Variants in TRIQK observed in about 807,000 individuals in gnomAD.
The protein encoded by TRIQK is triple QxxK/R motif-containing protein.
TRIQK carries 10 observed loss-of-function variants against 10.8 expected under a neutral mutation model. The ratio of observed to expected loss-of-function variants is 0.92; its 90% CI spans 0.57 to 1.57. The LOEUF is 1.57. Among genes scored for constraint, TRIQK ranks in the 40% most tolerant of loss-of-function variants. The probability of loss-of-function intolerance (pLI) is 0.00; values close to 1 mark genes in which losing one functional copy is unlikely to be tolerated. For missense variants in TRIQK, 107 were observed against 97.7 expected, an observed-to-expected ratio of 1.09 and a Z score of -0.40; for synonymous variants, 33 against 33.7, an observed-to-expected ratio of 0.98 and a Z score of 0.07.
In TRIQK at chr8:92,885,997, A is replaced by C. The variant is rs1816455677; in HGVS notation, c.*625T>G. ...ACCAGTTCAGACAGCCCAAGAGGAAAAGAACTCTATTTTAGAGACATATGT... is the reference window on the plus strand; with the variant it reads ...ACCAGTTCAGACAGCCCAAGAGGAACAGAACTCTATTTTAGAGACATATGT... On this transcript the variant is annotated 3_prime_UTR_variant, in exon 5 of 5. Coordinates refer to ENST00000521988, the MANE Select transcript of TRIQK (RefSeq NM_001171797.2). 1 of 151,678 alleles carries C rather than the reference A, an allele frequency of 6.6e-6. No individual in the cohort carries two copies. The highest frequency in any genetic ancestry group is 2.1e-4 in the South Asian group (1 of 4,820). The allele number at this position is 151,678 out of a possible 1,614,324, so 9.4% of individuals were successfully genotyped here.
chr8:93,003,582 A>G (rs1813237605), intron 1 of TRIQK, among the ~76,000 whole-genome samples: 1 of 152,062 alleles, frequency 6.6e-6, no homozygotes, highest in African/African-American at 2.4e-5. Context: ...ACATTTCACA[A>G]CACAATCAGG....
At chr8:92,999,749 A>G (rs931869752) in intron 1 of TRIQK, among the ~76,000 whole-genome samples, 2 of 152,168 alleles carry the variant, frequency 1.3e-5, no homozygotes, top group Admixed American at 6.6e-5. Context: ...TTTGATAAAG[A>G]CTAATGGTTT....
intron 1 of TRIQK, among the ~76,000 whole-genome samples, chr8:92,996,557 G>A (rs1446858653): frequency 6.6e-6 from 1 of 151,956 alleles, no homozygotes; most frequent in African/African-American, 2.4e-5. Context: ...TAAAGGAAGT[G>A]ACATGAACTC....
intron 1 of TRIQK, among the ~76,000 whole-genome samples, chr8:93,012,319 G>T (rs181486111): frequency 7.2e-5 from 11 of 152,256 alleles, no homozygotes; most frequent in African/African-American, 1.9e-4. Flanking sequence ...CAAATACACA[G>T]AAAATGTCTT....
At chr8:92,962,544 T>C (rs769591495) in intron 1 of TRIQK, among the ~76,000 whole-genome samples, 7 of 152,190 alleles carry the variant, frequency 4.6e-5, no homozygotes, top group African/African-American at 1.4e-4. Context: ...TTAAAGAAAT[T>C]AGAATAATTT....
intron 1 of TRIQK, among the ~76,000 whole-genome samples, chr8:92,988,802 A>G (rs1813065384): frequency 6.6e-6 from 1 of 152,206 alleles, no homozygotes; most frequent in South Asian, 2.1e-4. Flanking sequence ...ATCAGGGATT[A>G]TATCTTATTT....
intron 1 of TRIQK, chr8:92,974,009 CTCCACA>C (rs2130739247): frequency 6.6e-6 from 1 of 152,444 alleles, no homozygotes; most frequent in African/African-American, 2.4e-5. Context: ...TGCTCAATAG[CTCCACA>C]TCAAGTGCTT....
chr8:92,889,515 C>G (rs1258862525), intron 4 of TRIQK, among the ~76,000 whole-genome samples: 1 of 151,508 alleles, frequency 6.6e-6, no homozygotes, highest in African/African-American at 2.4e-5. Context: ...ACCTCCAAAG[C>G]CAATCTAAGA....
intron 1 of TRIQK, among the ~76,000 whole-genome samples, chr8:92,992,774 A>G (rs1813108925): frequency 6.6e-6 from 1 of 152,182 alleles, no homozygotes. Context: ...AGAATGAAAC[A>G]GAAGACTGAG....
intron 4 of TRIQK, among the ~76,000 whole-genome samples, chr8:92,889,176 G>A (rs1228763847): frequency 6.6e-6 from 1 of 151,520 alleles, no homozygotes; most frequent in East Asian, 1.9e-4. Context: ...CCCTTAAAAC[G>A]CTATTACTAA....
At chr8:92,946,508 TA>T (rs1811538755) in intron 2 of TRIQK, among the ~76,000 whole-genome samples, 1 of 152,066 alleles carries the variant, frequency 6.6e-6, no homozygotes, top group East Asian at 1.9e-4. Flanking sequence ...ATGAATGTAA[TA>T]AAAAGGCGAT....
intron 1 of TRIQK, among the ~76,000 whole-genome samples, chr8:93,002,404 A>G (rs892952833): frequency 1.3e-5 from 2 of 152,162 alleles, no homozygotes; most frequent in African/African-American, 2.4e-5. Context: ...AAATAAAATC[A>G]GAGATAAAAA....
chr8:92,992,629 GCC>G (rs1813107129), intron 1 of TRIQK, among the ~76,000 whole-genome samples: 1 of 152,190 alleles, frequency 6.6e-6, no homozygotes, highest in Non-Finnish European at 1.5e-5. Context: ...CACCTCTGAG[GCC>G]AAGAAGCACA....
At chr8:93,000,583 G>T (rs1813200091) in intron 1 of TRIQK, among the ~76,000 whole-genome samples, 1 of 152,054 alleles carries the variant, frequency 6.6e-6, no homozygotes, top group African/African-American at 2.4e-5. Context: ...ATTTGGGTGG[G>T]GGTTGGGGAC....
chr8:93,015,481 A>G (rs1255540330), intron 1 of TRIQK, among the ~76,000 whole-genome samples: 1 of 126,002 alleles, frequency 7.9e-6, no homozygotes, highest in African/African-American at 3.0e-5. Context: ...TTGCTTCTTT[A>G]TCTTATTTAT....
chr8:92,887,573 GAA>G (rs907480766), intron 4 of TRIQK, among the ~76,000 whole-genome samples: 1 of 148,028 alleles, frequency 6.8e-6, no homozygotes. Context: ...AATCAAAAAA[GAA>G]AAAAAAAGCA....
intron 1 of TRIQK, among the ~76,000 whole-genome samples, chr8:93,003,716 G>A (rs1245247681): frequency 6.6e-6 from 1 of 152,120 alleles, no homozygotes; most frequent in Non-Finnish European, 1.5e-5. Context: ...TCAAAAACAA[G>A]TTAATTACCT....
At chr8:92,908,133 C>T (rs993930170) in intron 3 of TRIQK, among the ~76,000 whole-genome samples, 4 of 152,050 alleles carry the variant, frequency 2.6e-5, no homozygotes. Context: ...CAATTCCTTA[C>T]CCTTGCCCAG....
At chr8:93,006,926 G>A (rs2130760717) in intron 1 of TRIQK, among the ~76,000 whole-genome samples, 1 of 152,326 alleles carries the variant, frequency 6.6e-6, no homozygotes. Flanking sequence ...TCTTCTCCCT[G>A]CTGGCTCTGA....
Sources: allele counts gnomAD v4.1 joint callset (sites outside exome capture counted in the v4.1 genomes callset), GRCh38; gene constraint gnomAD v4.1.1; transcripts MANE v1.5; gene names NCBI Gene and HGNC (gene_info 2026-07-23, HGNC 2026-07-21).